FAM83G: variants seen among roughly 807,000 people sequenced by gnomAD.
FAM83G encodes scaffolding CK1 anchoring protein G, also known as protein FAM83G.
A neutral mutation model predicts 61.5 loss-of-function variants in FAM83G; 38 were observed. The ratio of observed to expected loss-of-function variants is 0.62; its 90% CI spans 0.48 to 0.81. FAM83G has a LOEUF of 0.81. FAM83G is among the 30% of genes least tolerant of loss of function. The pLI, the probability that FAM83G is intolerant of heterozygous loss-of-function variation, is 0.00. For synonymous variants in FAM83G, 470 were observed against 476.1 expected, an observed-to-expected ratio of 0.99 and a Z score of 0.17; for missense variants, 989 against 1,133.6, an observed-to-expected ratio of 0.87 and a Z score of 1.83.
At chr17:18,993,217 C>A (rs1014411382) in intron 2 of FAM83G, among the ~76,000 whole-genome samples, 1 of 152,184 alleles carries the variant, frequency 6.6e-6, no homozygotes, top group Non-Finnish European at 1.5e-5. Flanking sequence ...ACGCGTCCTG[C>A]CTCAAGCCAC....
intron 3 of FAM83G, among the ~76,000 whole-genome samples, chr17:18,981,109 A>C (rs947227968): frequency 6.6e-6 from 1 of 152,216 alleles, no homozygotes. Context: ...TGTGATGAGG[A>C]TCCCACCTGG....
upstream of FAM83G, among the ~76,000 whole-genome samples, chr17:19,006,095 T>C (rs1256494613): frequency 6.6e-6 from 1 of 152,190 alleles, no homozygotes; most frequent in East Asian, 1.9e-4. Flanking sequence ...CCAACACTTC[T>C]GCAGTTGATG....
rs1013731577 is a variant in FAM83G, at chr17:18,982,642, G to A, written c.691-2969C>T. ...TCTCAGCGGGTGGCAAGGCAAGGTG[G>A]GGGCTCCAGGGCTGGGGCAAACTAC... On this transcript the variant is annotated intron_variant, in intron 3 of 5. Transcript: ENST00000388995. Among the ~76,000 whole-genome samples the A allele has an allele frequency of 3.3e-5, 5 of 152,284 alleles. No individual in the cohort carries two copies. The East Asian group carries it at 9.7e-4, about 29-fold the overall frequency.
rs1435809033 is a variant in FAM83G at position 18,978,528 on chromosome 17, C to T, written c.1138G>A (p.Ala380Thr). ...AKKPLGLKGP[A>T]LAEHPGELPE... Reference sequence around the variant, plus strand: ...AGTTCCCCTGGATGCTCAGCCAGCGCTGGGCCTTTCAGCCCCAGGGGCTTC... The same window carrying T: ...AGTTCCCCTGGATGCTCAGCCAGCGTTGGGCCTTTCAGCCCCAGGGGCTTC... Residue 380 changes from alanine to threonine, a missense_variant, in exon 5 of 6, where the codon GCG becomes ACG. Transcript: ENST00000388995. The T allele has an allele frequency of 3.1e-6, 5 of 1,613,272 alleles. No homozygotes were observed. Among genetic ancestry groups the T allele is most frequent in the Non-Finnish European group, 4.2e-6 (5 of 1,180,006 alleles).
chr17:18,990,376 C>T (rs113788545), intron 2 of FAM83G, among the ~76,000 whole-genome samples: 26 of 152,176 alleles, frequency 1.7e-4, no homozygotes, highest in Admixed American at 1.3e-3. Flanking sequence ...CCTGGGATCT[C>T]CCAGACCCAA....
chr17:18,979,660 C>T lies in FAM83G; in HGVS notation c.704G>A (p.Arg235Gln), dbSNP rs1485437010. ...HLGHLKNLRV[R>Q]SSGGTEFFTR... ...GAAGAACTCAGTTCCCCCGCTGCTC[C>T]GCACTCTGAGATTCTGTTTTGGGAA... The change falls in exon 4 of 6, where the codon CGG (arginine) becomes CAG (glutamine). Residue 235 changes from arginine to glutamine, a missense_variant. By Grantham distance (43) the Arg-to-Gln change is conservative. Coordinates refer to ENST00000388995, the MANE Select transcript of FAM83G (RefSeq NM_001039999.3). 8 of 1,613,406 alleles carry T rather than the reference C, an allele frequency of 5.0e-6. No individual in the cohort carries two copies. The highest frequency in any genetic ancestry group is 1.1e-5 in the South Asian group (1 of 91,082).
chr17:18,993,072 G>A (rs983969739), intron 2 of FAM83G, among the ~76,000 whole-genome samples: 13 of 152,306 alleles, frequency 8.5e-5, no homozygotes, highest in African/African-American at 2.4e-4. Flanking sequence ...GGGGCGAGAC[G>A]GGCTGGCCTG....
chr17:18,975,401 C>T (rs1490287616), intron 5 of FAM83G, among the ~76,000 whole-genome samples: 2 of 152,172 alleles, frequency 1.3e-5, no homozygotes, highest in East Asian at 1.9e-4. Context: ...GTTAAAATCA[C>T]GGAGGCAGCC....
chr17:18,989,343 G>A (rs117665208), intron 2 of FAM83G, among the ~76,000 whole-genome samples: 2,478 of 152,322 alleles, frequency 0.016, 34 homozygotes, highest in Non-Finnish European at 0.025. Flanking sequence ...GAGATTCAGG[G>A]TGGTGGAGGC....
intron 5 of FAM83G, chr17:18,976,247 A>T (rs540654539): frequency 6.6e-6 from 1 of 152,218 alleles, no homozygotes; most frequent in East Asian, 1.9e-4. Flanking sequence ...GAGATCTCAG[A>T]CATTATGGGT....
At chr17:18,988,985 G>C (rs1307029573) in intron 2 of FAM83G, among the ~76,000 whole-genome samples, 1 of 152,228 alleles carries the variant, frequency 6.6e-6, no homozygotes, top group Non-Finnish European at 1.5e-5. Flanking sequence ...ACATGCAGAA[G>C]GACAGGATGA....
chr17:18,998,186 G>T (rs899913061), intron 2 of FAM83G, among the ~76,000 whole-genome samples: 1 of 152,268 alleles, frequency 6.6e-6, no homozygotes, highest in African/African-American at 2.4e-5. Flanking sequence ...GGCCAACGTG[G>T]GCCAGGGCAC....
At chr17:18,981,936 A>G (rs750544312) in intron 3 of FAM83G, among the ~76,000 whole-genome samples, 19 of 152,078 alleles carry the variant, frequency 1.2e-4, no homozygotes, top group Non-Finnish European at 2.4e-4. Context: ...CCTGTCACTG[A>G]GCCCAACCGA....
chr17:18,987,541 C>A (rs781594722), intron 3 of FAM83G, among the ~76,000 whole-genome samples: 2 of 152,188 alleles, frequency 1.3e-5, no homozygotes, highest in Non-Finnish European at 2.9e-5. Flanking sequence ...AGCGTTGGAC[C>A]AATGAGATCC....
chr17:18,981,386 C>A (rs575938170), intron 3 of FAM83G, among the ~76,000 whole-genome samples: 2 of 152,156 alleles, frequency 1.3e-5, no homozygotes, highest in African/African-American at 4.8e-5. Context: ...GACCCTGCAC[C>A]GGCTTAAGAG....
In FAM83G at chr17:18,968,832, T is replaced by C. The variant is rs1165842525; in HGVS notation, c.*2527A>G. 1.4e-5 allele frequency: 8 copies of C among 562,436 alleles called. No individual in the cohort carries two copies. Among genetic ancestry groups the C allele is most frequent in the Non-Finnish European group, 2.2e-5 (7 of 317,344 alleles). The allele number at this position is 562,436 out of a possible 1,614,324, so 34.8% of individuals were successfully genotyped here. A position where few individuals can be genotyped will look rare whatever the true frequency, so the allele number is the denominator to read the frequency against. On this transcript the variant is annotated 3_prime_UTR_variant, in exon 6 of 6. Coordinates refer to ENST00000388995, the MANE Select transcript of FAM83G (RefSeq NM_001039999.3). This position sits in a 1 kb window ranked among gnomAD's most constrained non-coding sequence, Gnocchi z 4.1. ...CCACTTTGGACTTTATTAGCAACAG[T>C]AATGTCCCCTGACATCCGCACAAGC...
At chr17:18,985,229 C>A (rs769369234) in intron 3 of FAM83G, among the ~76,000 whole-genome samples, 1 of 152,214 alleles carries the variant, frequency 6.6e-6, no homozygotes, top group African/African-American at 2.4e-5. Flanking sequence ...AAACGGCCTC[C>A]TTCACTCTTC....
chr17:18,999,250 C>A (rs59968024), intron 2 of FAM83G, among the ~76,000 whole-genome samples: 72 of 152,126 alleles, frequency 4.7e-4, no homozygotes, highest in African/African-American at 1.7e-3. Context: ...TGCACTCCAG[C>A]CTGGGCGACA....
At position 18,969,229 on chromosome 17, in the gene FAM83G, G is replaced by A; in HGVS notation, c.*2130C>T. On this transcript the variant is annotated 3_prime_UTR_variant, in exon 6 of 6. Transcript: ENST00000388995. ...GGTCAGAAGGCCACCTCCCCCTACA[G>A]GCCCGAGGGAGCAGCCCAGGAAGTG... 6.3e-7 allele frequency: 1 copy of A among 1,581,898 alleles called. No individual in the cohort carries two copies. Among genetic ancestry groups the A allele is most frequent in the Non-Finnish European group, 8.6e-7 (1 of 1,158,474 alleles).
Sources: allele counts gnomAD v4.1 joint callset (sites outside exome capture counted in the v4.1 genomes callset), GRCh38; gene constraint gnomAD v4.1.1; non-coding constraint Gnocchi (gnomAD v3.1); transcripts MANE v1.5; gene names NCBI Gene and HGNC (gene_info 2026-07-23, HGNC 2026-07-21).